MID1: variants seen among roughly 807,000 people sequenced by gnomAD.
MID1 encodes midline 1, also known as E3 ubiquitin-protein ligase Midline-1.
Under a neutral mutation model 40.4 loss-of-function variants are expected in MID1, and 7 were observed. The ratio of observed to expected loss-of-function variants is 0.17; its 90% confidence interval spans 0.10 to 0.33. The LOEUF (loss-of-function observed/expected upper bound fraction) is 0.33, where lower values mean the gene tolerates loss of function less well. MID1 is among the 10% of genes least tolerant of loss of function. The pLI, the probability that MID1 is intolerant of heterozygous loss-of-function variation, is 1.00. For synonymous variants in MID1, 229 were observed against 221.2 expected (o/e 1.04, Z -0.31); for missense variants, 367 against 558.5 (o/e 0.66, Z 3.46).
At chrX:10,588,597 TTTTC>T (rs1379392829) in intron 1 of MID1, among the ~76,000 whole-genome samples, 1 of 111,151 alleles carries the variant, frequency 9.0e-6, no homozygotes, top group Non-Finnish European at 1.9e-5. Flanking sequence ...CTCTTTCTCT[TTTTC>T]TTTCTCTCTT....
chrX:10,456,146 C>T (rs751088083), intron 8 of MID1, among the ~76,000 whole-genome samples: 7 of 112,449 alleles, frequency 6.2e-5, no homozygotes, highest in Admixed American at 3.8e-4. Flanking sequence ...TGGCAATACA[C>T]GATGCTGGGC....
At chrX:10,738,543 T>C (rs2043501615) in intron 1 of MID1, among the ~76,000 whole-genome samples, 3 of 112,065 alleles carry the variant, frequency 2.7e-5, no homozygotes, top group African/African-American at 9.7e-5. Context: ...CAAATACACA[T>C]ACAGATGCCC....
At chrX:10,478,698 C>T (rs1162259850) in intron 5 of MID1, among the ~76,000 whole-genome samples, 1 of 112,238 alleles carries the variant, frequency 8.9e-6, no homozygotes, top group Non-Finnish European at 1.9e-5. Context: ...TTGAGGCTCT[C>T]TCCCCTTTTG....
intron 2 of MID1, among the ~76,000 whole-genome samples, chrX:10,537,647 G>T (rs911098518): frequency 8.9e-6 from 1 of 112,320 alleles, no homozygotes; most frequent in Non-Finnish European, 1.9e-5. Flanking sequence ...ATAATTAAAG[G>T]CAGACTTTAG....
Position 10,449,001 on chromosome X carries a change from T to G in MID1, c.*367A>C. ...AGTAACATACAAAACTACAAAAGTT[T>G]TTGTTTTTTTGTAAGCCCACAGATT... On this transcript the variant is annotated 3_prime_UTR_variant, in exon 10 of 10. Transcript: ENST00000317552. 1 of 162,555 alleles carries G rather than the reference T, an allele frequency of 6.2e-6. No homozygotes were observed. Among genetic ancestry groups the G allele is most frequent in the Non-Finnish European group, 1.2e-5 (1 of 85,007 alleles). 13.4% of individuals were successfully genotyped at this position (162,555 alleles called of 1,213,427 possible).
At chrX:10,485,777 T>C (rs1930584060) in intron 4 of MID1, among the ~76,000 whole-genome samples, 1 of 112,196 alleles carries the variant, frequency 8.9e-6, no homozygotes, top group African/African-American at 3.2e-5. Flanking sequence ...GCATCCTCAA[T>C]TCACACAAGT....
chrX:10,599,017 T>G (rs1935467060), intron 1 of MID1, among the ~76,000 whole-genome samples: 1 of 112,129 alleles, frequency 8.9e-6, no homozygotes, highest in Non-Finnish European at 1.9e-5. Flanking sequence ...GTCTGTCTCC[T>G]AGATCACAGA....
chrX:10,601,076 T>C (rs1935509301), intron 1 of MID1, among the ~76,000 whole-genome samples: 3 of 112,626 alleles, frequency 2.7e-5, no homozygotes, highest in Non-Finnish European at 5.6e-5. Context: ...AGAAAAGGTC[T>C]TATTAGCTGA....
chrX:10,557,337 G>A (rs1002448953), intron 2 of MID1, among the ~76,000 whole-genome samples: 1 of 112,005 alleles, frequency 8.9e-6, no homozygotes, highest in Non-Finnish European at 1.9e-5. Flanking sequence ...AGGCCAAGCA[G>A]GCGTTTAAAA....
At chrX:10,809,476 C>T (rs1205481836) in intron 1 of MID1, among the ~76,000 whole-genome samples, 1 of 111,564 alleles carries the variant, frequency 9.0e-6, no homozygotes, top group Non-Finnish European at 1.9e-5. Flanking sequence ...GACACATGCA[C>T]ACATATGTTT....
intron 3 of MID1, among the ~76,000 whole-genome samples, chrX:10,518,533 G>A (rs1401801707): frequency 9.0e-6 from 1 of 110,549 alleles, no homozygotes; most frequent in African/African-American, 3.3e-5. Flanking sequence ...CTTGGAAGCA[G>A]CTTTATCATC....
intron 1 of MID1, among the ~76,000 whole-genome samples, chrX:10,769,890 AT>A (rs2043754500): frequency 9.0e-6 from 1 of 111,664 alleles, no homozygotes; most frequent in African/African-American, 3.3e-5. Context: ...GGGCAAACGG[AT>A]TTTTGTGTAA....
chrX:10,812,747 T>A (rs1328768402), intron 1 of MID1, among the ~76,000 whole-genome samples: 1 of 111,611 alleles, frequency 9.0e-6, no homozygotes, highest in Non-Finnish European at 1.9e-5. Context: ...CGGCTGCCAG[T>A]CTGACTTGGC....
intron 1 of MID1, among the ~76,000 whole-genome samples, chrX:10,753,565 TC>T (rs113625796): frequency 0.04 from 4,201 of 104,572 alleles, 166 homozygotes; most frequent in African/African-American, 0.13. Context: ...AGTGCACACT[TC>T]AAAAAAAAAA....
intron 4 of MID1, among the ~76,000 whole-genome samples, chrX:10,491,124 T>C (rs891360183): frequency 8.9e-6 from 1 of 111,963 alleles, no homozygotes; most frequent in Non-Finnish European, 1.9e-5. Context: ...GAGGACCAGA[T>C]AGTCAATATT....
chrX:10,712,405 G>A (rs766023234), intron 1 of MID1, among the ~76,000 whole-genome samples: 23 of 111,264 alleles, frequency 2.1e-4, no homozygotes, highest in Admixed American at 1.5e-3. Context: ...TTAGGAATGC[G>A]GGACTGGTAA....
At chrX:10,750,738 G>A (rs886106489) in intron 1 of MID1, among the ~76,000 whole-genome samples, 39 of 111,682 alleles carry the variant, frequency 3.5e-4, no homozygotes, top group African/African-American at 1.2e-3. Flanking sequence ...CAAGTCTACG[G>A]CCATTTTCAG....
chrX:10,476,067 G>A (rs1000912457), intron 5 of MID1, among the ~76,000 whole-genome samples: 3 of 111,429 alleles, frequency 2.7e-5, no homozygotes, highest in Non-Finnish European at 5.6e-5. Flanking sequence ...CACACGCTAC[G>A]ATGTGGATAA....
At chrX:10,689,208 A>G (rs1358955271) in intron 1 of MID1, among the ~76,000 whole-genome samples, 1 of 111,841 alleles carries the variant, frequency 8.9e-6, no homozygotes, top group African/African-American at 3.3e-5. Context: ...GGTAATTTAC[A>G]AAGAAAAGAG....
Sources: gnomAD v4.1 joint callset for allele counts (sites outside exome capture counted in the v4.1 genomes callset) on GRCh38, gnomAD v4.1.1 for gene constraint, MANE v1.5 for transcripts, NCBI Gene and HGNC (gene_info 2026-07-23, HGNC 2026-07-21) for gene names.